The following NR2F1-AS1 variants were observed in gnomAD, a reference collection of about 807,000 sequenced individuals.
NR2F1-AS1 encodes NR2F1 antisense RNA 1.
intron 4 of NR2F1-AS1, among the ~76,000 whole-genome samples, chr5:93,526,007 A>G (rs1751605022): frequency 6.6e-6 from 1 of 152,222 alleles, no homozygotes; most frequent in Admixed American, 6.5e-5. Flanking sequence ...AACTAAGATC[A>G]GAGCAGAACT....
intron 4 of NR2F1-AS1, among the ~76,000 whole-genome samples, chr5:93,475,607 C>T (rs978967773): frequency 3.3e-5 from 5 of 152,130 alleles, no homozygotes; most frequent in Non-Finnish European, 7.4e-5. Context: ...TAATTCCTTT[C>T]GAATCTAGAG....
intron 4 of NR2F1-AS1, among the ~76,000 whole-genome samples, chr5:93,425,040 T>G (rs1561429865): frequency 6.6e-6 from 1 of 152,216 alleles, no homozygotes; most frequent in Non-Finnish European, 1.5e-5. Context: ...ATAAATTCTG[T>G]GTATCAGCTT....
intron 4 of NR2F1-AS1, among the ~76,000 whole-genome samples, chr5:93,430,661 T>C (rs1363210787): frequency 3.3e-5 from 5 of 152,198 alleles, no homozygotes; most frequent in Non-Finnish European, 7.4e-5. Flanking sequence ...AAGAATGGTG[T>C]GGCCCAGTAA....
chr5:93,460,753 T>C (rs1251768344), intron 4 of NR2F1-AS1, among the ~76,000 whole-genome samples: 1 of 152,130 alleles, frequency 6.6e-6, no homozygotes. Context: ...CACTGATCAT[T>C]AGAGAAATGA....
rs184649355 is a variant in NR2F1-AS1, at chr5:93,469,549, A to C, written n.639-74007T>G. 1.2e-4 allele frequency among the ~76,000 whole-genome samples: 19 copies of C among 152,172 alleles called. No individual in the cohort carries two copies. The East Asian group carries it at 3.7e-3, about 29-fold the overall frequency. ...AGTAAACAATCACAGTATTAACAGA[A>C]CCTCTGTGTAGGAAAAGACCTTGAA... On this transcript the variant is annotated intron_variant and non_coding_transcript_variant, in intron 4 of 5. Transcript: ENST00000660523.
At chr5:93,584,709 A>G (rs1580357899), upstream of NR2F1-AS1, 3 of 137,660 alleles carry the variant, frequency 2.2e-5, no homozygotes, top group Middle Eastern at 3.8e-3. Flanking sequence ...TTGGGGGGGG[A>G]GCCTGAGAGC....
At chr5:93,448,386 T>C (rs1344732051) in intron 4 of NR2F1-AS1, among the ~76,000 whole-genome samples, 1 of 152,162 alleles carries the variant, frequency 6.6e-6, no homozygotes, top group Non-Finnish European at 1.5e-5. Context: ...CAAAAGCATT[T>C]TAATAAGCTT....
chr5:93,547,158 T>C (rs746403700), intron 4 of NR2F1-AS1, among the ~76,000 whole-genome samples: 8 of 152,138 alleles, frequency 5.3e-5, no homozygotes, highest in African/African-American at 1.9e-4. Flanking sequence ...TGTATGTATA[T>C]GCATATGCAT....
At chr5:93,426,706 A>C (rs1749202619) in intron 4 of NR2F1-AS1, among the ~76,000 whole-genome samples, 2 of 152,212 alleles carry the variant, frequency 1.3e-5, no homozygotes, top group South Asian at 4.1e-4. Flanking sequence ...TGCCCCTGGC[A>C]GGGGGTAACC....
chr5:93,431,450 G>A (rs1214757849), intron 4 of NR2F1-AS1, among the ~76,000 whole-genome samples: 1 of 152,142 alleles, frequency 6.6e-6, no homozygotes, highest in East Asian at 1.9e-4. Flanking sequence ...ACATTAAATT[G>A]TCAGCTCTAT....
At chr5:93,476,720 A>G (rs1185154030) in intron 4 of NR2F1-AS1, among the ~76,000 whole-genome samples, 1 of 152,148 alleles carries the variant, frequency 6.6e-6, no homozygotes, top group Non-Finnish European at 1.5e-5. Context: ...ACTTCACACG[A>G]GCACAGCAGT....
intron 1 of NR2F1-AS1, among the ~76,000 whole-genome samples, chr5:93,569,256 CCTT>C (rs1752687986): frequency 6.6e-6 from 1 of 152,142 alleles, no homozygotes; most frequent in East Asian, 1.9e-4. Context: ...AGAAAATTAA[CCTT>C]CTTAAAAGCA....
intron 4 of NR2F1-AS1, among the ~76,000 whole-genome samples, chr5:93,507,851 A>G (rs1377404514): frequency 6.6e-6 from 1 of 152,182 alleles, no homozygotes; most frequent in Non-Finnish European, 1.5e-5. Flanking sequence ...CCAAGCATAA[A>G]TATAATAAAA....
chr5:93,510,689 T>C (rs969622550), intron 4 of NR2F1-AS1, among the ~76,000 whole-genome samples: 1 of 152,178 alleles, frequency 6.6e-6, no homozygotes, highest in Non-Finnish European at 1.5e-5. Flanking sequence ...ATGTTTTTAA[T>C]TCACAAAAAT....
intron 4 of NR2F1-AS1, among the ~76,000 whole-genome samples, chr5:93,510,224 T>TG (rs1751267455): frequency 6.6e-6 from 1 of 152,130 alleles, no homozygotes; most frequent in African/African-American, 2.4e-5. Context: ...TTGTGTGTTC[T>TG]ATTTATCTAG....
At chr5:93,582,076 G>GTC (rs200701891), upstream of NR2F1-AS1, among the ~76,000 whole-genome samples, 966 of 115,798 alleles carry the variant, frequency 8.3e-3, 7 homozygotes, top group Non-Finnish European at 0.013. Flanking sequence ...CTCTCTCTCT[G>GTC]TCTCTCTCTC....
chr5:93,470,248 CA>C (rs1162547133), intron 4 of NR2F1-AS1, among the ~76,000 whole-genome samples: 1 of 151,838 alleles, frequency 6.6e-6, no homozygotes, highest in Non-Finnish European at 1.5e-5. Flanking sequence ...ATAATGACAG[CA>C]AAAACAAAAA....
Position 93,438,972 on chromosome 5 carries a change from T to C in NR2F1-AS1, n.639-43430A>G, listed in dbSNP as rs554028382. Among the ~76,000 whole-genome samples, 3 of 152,382 alleles carry C rather than the reference T, an allele frequency of 2.0e-5. No homozygotes were observed. In the East Asian group the frequency reaches 5.8e-4, roughly 29 times the overall value. ...TAAACTACCTCAATTGTAATAATCA[T>C]TCCACAATGTAAACATATATCAAAG... On this transcript the variant is annotated intron_variant and non_coding_transcript_variant, in intron 4 of 5. Transcript: ENST00000660523.
intron 2 of NR2F1-AS1, among the ~76,000 whole-genome samples, chr5:93,555,190 T>C (rs945125652): frequency 2.0e-5 from 3 of 152,174 alleles, no homozygotes; most frequent in Admixed American, 6.5e-5. Context: ...TGGTTTCCAA[T>C]TTCTACAACG....
Sources: gnomAD v4.1 joint callset for allele counts (sites outside exome capture counted in the v4.1 genomes callset) on GRCh38, gnomAD v4.1.1 for gene constraint, MANE v1.5 for transcripts, NCBI Gene and HGNC (gene_info 2026-07-23, HGNC 2026-07-21) for gene names.